SMCO3: variants seen among roughly 807,000 people sequenced by gnomAD.
SMCO3 encodes the protein single-pass membrane protein with coiled-coil domains 3, also known as single-pass membrane and coiled-coil domain-containing protein 3.
In SMCO3, 6 loss-of-function variants were observed where a neutral mutation model predicts 12.0. That is an observed-to-expected ratio of 0.50 (90% confidence interval 0.27 to 0.99). The LOEUF is 0.99. Ranked by LOEUF, SMCO3 falls within the 50% of genes least tolerant of loss-of-function variation. The pLI, the probability that SMCO3 is intolerant of heterozygous loss-of-function variation, is 0.11. For missense variants in SMCO3, 279 were observed against 265.0 expected, an observed-to-expected ratio of 1.05 and a Z score of -0.37; for synonymous variants, 96 against 96.4, an observed-to-expected ratio of 1.00 and a Z score of 0.02.
In SMCO3 at chr12:14,806,663, G is replaced by A. The variant is rs773677201; in HGVS notation, c.18C>T (p.Phe6=). The A allele has an allele frequency of 6.3e-7, 1 of 1,595,910 alleles. No homozygotes were observed. Among genetic ancestry groups the A allele is most frequent in the Non-Finnish European group, 8.5e-7 (1 of 1,173,672 alleles). The change falls in exon 2 of 2, where the codon TTC becomes TTT. Residue 6 remains phenylalanine, a synonymous_variant. Transcript: ENST00000316048. Reference sequence around the variant, plus strand: ...GCCTTTTTGGGTTCTCTGGGTAAAGGAAGTCACTTTGGGCCATATTTCCAA... The same window carrying A: ...GCCTTTTTGGGTTCTCTGGGTAAAGAAAGTCACTTTGGGCCATATTTCCAA... MAQSD[F]LYPENPKRRE... is the part of the protein sequence containing the mutation.
intron 1 of SMCO3, among the ~76,000 whole-genome samples, chr12:14,809,238 T>G (rs1468255041): frequency 6.6e-6 from 1 of 152,220 alleles, no homozygotes; most frequent in Non-Finnish European, 1.5e-5. Context: ...AAATGAACCT[T>G]CCTCCTGGAT....
rs749737279 is a variant in SMCO3, at chr12:14,806,023, C to G, written c.658G>C (p.Val220Leu). 151 of 1,610,086 alleles carry G rather than the reference C, an allele frequency of 9.4e-5. No individual in the cohort carries two copies. The highest frequency in any genetic ancestry group is 1.2e-4 in the Non-Finnish European group (144 of 1,177,912). The change falls in exon 2 of 2, where the codon GTG (valine) becomes CTG (leucine). Residue 220 changes from valine to leucine, a missense_variant. By Grantham distance (32) the Val-to-Leu change is conservative. Transcript: ENST00000316048. ...GCTGTTCATTTCATTTGGTGTTTCA[C>G]TGTATTGATGACCTCAGTAATGGCA... is the stretch of plus-strand genomic sequence containing the variant. ...NHAITEVINT[V>L]KHQMK is the part of the protein sequence containing the mutation.
chr12:14,812,429 G>C (rs1189885499), intron 1 of SMCO3, among the ~76,000 whole-genome samples: 1 of 152,028 alleles, frequency 6.6e-6, no homozygotes, highest in Non-Finnish European at 1.5e-5. Flanking sequence ...GGGTGACAGA[G>C]GGAGACTCCG....
rs774686155 is a variant in SMCO3 at position 14,806,600 on chromosome 12, A to C, written c.81T>G (p.Asp27Glu). 1.2e-6 allele frequency: 2 copies of C among 1,614,012 alleles called. No individual in the cohort carries two copies. The highest frequency in any genetic ancestry group is 1.7e-6 in the Non-Finnish European group (2 of 1,180,020). Residue 27 changes from aspartate (D) to glutamate (E), a missense_variant, in exon 2 of 2, where the codon GAT becomes GAG. Transcript: ENST00000316048. Reference sequence around the variant, plus strand: ...TGACATCGAAGCTGTCAGATAAGCAATCAAGAAGCTGCTGGTGAAGACGAT... The same window carrying C: ...TGACATCGAAGCTGTCAGATAAGCACTCAAGAAGCTGCTGGTGAAGACGAT... ...EVNRLHQQLLDCLSDSFDVTN... is the reference protein window; with the variant it reads ...EVNRLHQQLLECLSDSFDVTN...
intron 1 of SMCO3, among the ~76,000 whole-genome samples, chr12:14,812,735 T>C (rs1950160285): frequency 6.6e-6 from 1 of 151,966 alleles, no homozygotes; most frequent in Non-Finnish European, 1.5e-5. Flanking sequence ...AGCAGGATAC[T>C]GGGTATCCTG....
Position 14,806,336 on chromosome 12 carries a change from C to T in SMCO3, c.345G>A (p.Lys115=). 1 of 1,614,222 alleles carries T rather than the reference C, an allele frequency of 6.2e-7. No individual in the cohort carries two copies. The highest frequency in any genetic ancestry group is 8.5e-7 in the Non-Finnish European group (1 of 1,180,040). Residue 115 remains lysine (K), a synonymous_variant, in exon 2 of 2, where the codon AAG becomes AAA. Coordinates refer to ENST00000316048, the MANE Select transcript of SMCO3 (RefSeq NM_001013698.2). ...KETDKIAIVQ[K]VISVILGEAT... ...CTTCTCCCAGGATGACCGAAATAAC[C>T]TTTTGCACTATTGCAATTTTGTCTG... is the stretch of plus-strand genomic sequence containing the variant.
chr12:14,810,069 T>C (rs1489150371), intron 1 of SMCO3, among the ~76,000 whole-genome samples: 2 of 152,234 alleles, frequency 1.3e-5, no homozygotes, highest in East Asian at 3.8e-4. Context: ...CGAGTTTGGC[T>C]AAAGAAATGT....
At chr12:14,807,671 CT>C (rs1950074499) in intron 1 of SMCO3, among the ~76,000 whole-genome samples, 1 of 152,110 alleles carries the variant, frequency 6.6e-6, no homozygotes, top group Non-Finnish European at 1.5e-5. Context: ...ATATTCAAGA[CT>C]CTTTGGATTA....
Position 14,806,185 on chromosome 12 carries a change from C to G in SMCO3, c.496G>C (p.Ala166Pro). ...GASLLGSIGV[A>P]VLGLGIDMIV... ...ATATCTATGCCAAGGCCAAGAACAG[C>G]AACTCCAATACTACCAAGGAGAGAA... The change falls in exon 2 of 2, where the codon GCT becomes CCT. Residue 166 changes from alanine to proline, a missense_variant. Transcript: ENST00000316048. 4 of 1,614,130 alleles carry G rather than the reference C, an allele frequency of 2.5e-6. No homozygotes were observed. Among genetic ancestry groups the G allele is most frequent in the Non-Finnish European group, 3.4e-6 (4 of 1,180,034 alleles).
chr12:14,809,979 T>A (rs1950110719), intron 1 of SMCO3, among the ~76,000 whole-genome samples: 1 of 152,258 alleles, frequency 6.6e-6, no homozygotes, highest in Non-Finnish European at 1.5e-5. Flanking sequence ...TTCCTCCTTT[T>A]AAGTAGTCTT....
chr12:14,805,520 T>C lies in SMCO3; in HGVS notation c.*483A>G, dbSNP rs1372864226. On this transcript the variant is annotated 3_prime_UTR_variant, in exon 2 of 2. Transcript: ENST00000316048. ...TTACAGAAAACCAGATTTACTCTGA[T>C]GGTCAAAAATATGGTAGTATTTCTG... 6.5e-6 allele frequency: 1 copy of C among 153,354 alleles called. No individual in the cohort carries two copies. The highest frequency in any genetic ancestry group is 2.4e-5 in the African/African-American group (1 of 41,472). The allele number at this position is 153,354 out of a possible 1,614,324, so 9.5% of individuals were successfully genotyped here. A position where few individuals can be genotyped will look rare whatever the true frequency, so the allele number is the denominator to read the frequency against.
intron 1 of SMCO3, among the ~76,000 whole-genome samples, chr12:14,808,002 C>T (rs1950079794): frequency 6.6e-6 from 1 of 152,072 alleles, no homozygotes; most frequent in Non-Finnish European, 1.5e-5. Context: ...CCCATCTCTA[C>T]TAAAAATACA....
At position 14,806,668 on chromosome 12, in the gene SMCO3, C is replaced by T. The variant is rs1592229361; in HGVS notation, c.13G>A (p.Asp5Asn). Residue 5 changes from aspartate (D) to asparagine (N), a missense_variant, in exon 2 of 2, where the codon GAC (aspartate) becomes AAC (asparagine). Physicochemically the swap from Asp to Asn is conservative, Grantham distance 23. Coordinates refer to ENST00000316048, the MANE Select transcript of SMCO3 (RefSeq NM_001013698.2). Reference protein sequence around the residue: MAQSDFLYPENPKRR... With the variant: MAQSNFLYPENPKRR... ...TTTGGGTTCTCTGGGTAAAGGAAGT[C>T]ACTTTGGGCCATATTTCCAATATGA... The T allele has an allele frequency of 3.2e-6, 5 of 1,579,426 alleles. No individual in the cohort carries two copies. In the East Asian group the frequency reaches 9.0e-5, roughly 28 times the overall value.
intron 1 of SMCO3, among the ~76,000 whole-genome samples, chr12:14,811,641 G>T (rs1340085994): frequency 6.6e-6 from 1 of 152,196 alleles, no homozygotes; most frequent in Non-Finnish European, 1.5e-5. Flanking sequence ...AGATATGGTA[G>T]AAATATGCTG....
At chr12:14,810,556 C>A (rs1950120914) in intron 1 of SMCO3, among the ~76,000 whole-genome samples, 1 of 152,128 alleles carries the variant, frequency 6.6e-6, no homozygotes, top group South Asian at 2.1e-4. Context: ...AGATTTATAA[C>A]TGTAATATCA....
rs1381309851 is a variant in SMCO3, at chr12:14,806,547, A to G, written c.134T>C (p.Met45Thr). 3 of 1,614,142 alleles carry G rather than the reference A, an allele frequency of 1.9e-6. No homozygotes were observed. The highest frequency in any genetic ancestry group is 1.6e-4 in the Middle Eastern group (1 of 6,062). ...GGAGGCCAGCCTGCACCCCAAGTGCATATTTAGAACCTCAGTCAGCTTATT... is the reference window on the plus strand; with the variant it reads ...GGAGGCCAGCCTGCACCCCAAGTGCGTATTTAGAACCTCAGTCAGCTTATT... Reference protein sequence around the residue: ...VTNKLTEVLNMHLGCRLASIE... With the variant: ...VTNKLTEVLNTHLGCRLASIE... Residue 45 changes from methionine (M) to threonine (T), a missense_variant, in exon 2 of 2, where the codon ATG becomes ACG. Physicochemically the swap from Met to Thr is moderately conservative, Grantham distance 81 (BLOSUM62 -1). Coordinates refer to ENST00000316048, the MANE Select transcript of SMCO3 (RefSeq NM_001013698.2).
Position 14,805,945 on chromosome 12 carries a change from A to T in SMCO3, c.*58T>A. On this transcript the variant is annotated 3_prime_UTR_variant, in exon 2 of 2. Coordinates refer to ENST00000316048, the MANE Select transcript of SMCO3 (RefSeq NM_001013698.2). ...AGAAAATGAACCTAATCAAAGAAGC[A>T]AACACTGTTACTGAAAAGGAAGCAG... 6.7e-7 allele frequency: 1 copy of T among 1,490,270 alleles called. No individual in the cohort carries two copies. The highest frequency in any genetic ancestry group is 9.1e-7 in the Non-Finnish European group (1 of 1,102,854). 92.3% of individuals were successfully genotyped at this position (1,490,270 alleles called of 1,614,324 possible).
intron 1 of SMCO3, among the ~76,000 whole-genome samples, chr12:14,812,194 G>A (rs1041060367): frequency 1.3e-5 from 2 of 151,800 alleles, no homozygotes; most frequent in East Asian, 1.9e-4. Flanking sequence ...CCTGTAATCC[G>A]AGCACTTTGG....
rs1176257833 is a variant in SMCO3, at chr12:14,806,621, A to C, written c.60T>G (p.Arg20=). 2 of 1,613,410 alleles carry C rather than the reference A, an allele frequency of 1.2e-6. No homozygotes were observed. The highest frequency in any genetic ancestry group is 1.7e-6 in the Non-Finnish European group (2 of 1,179,890). The change falls in exon 2 of 2, where the codon CGT becomes CGG. Residue 20 remains arginine, a synonymous_variant. Transcript: ENST00000316048. ...ENPKRREEVN[R]LHQQLLDCLS... is the part of the protein sequence containing the mutation. ...AGCAATCAAGAAGCTGCTGGTGAAG[A>C]CGATTTACTTCTTCCCGCCTTTTTG...
Sources: allele counts gnomAD v4.1 joint callset (sites outside exome capture counted in the v4.1 genomes callset), GRCh38; gene constraint gnomAD v4.1.1; transcripts MANE v1.5; gene names NCBI Gene and HGNC (gene_info 2026-07-23, HGNC 2026-07-21).